DTHD1: variants seen among roughly 807,000 people sequenced by gnomAD.
DTHD1 encodes the protein death domain containing 1.
A neutral mutation model predicts 74.8 loss-of-function variants in DTHD1; 59 were observed. The observed-to-expected ratio is 0.79, with a 90% CI of 0.64 to 0.98. DTHD1 has a LOEUF of 0.98. Among genes scored for constraint, DTHD1 ranks in the 50% least tolerant of loss-of-function variants. The pLI, the probability that DTHD1 is intolerant of heterozygous loss-of-function variation, is 0.00. For synonymous variants in DTHD1, 365 were observed against 371.1 expected, an observed-to-expected ratio of 0.98 and a Z score of 0.19; for missense variants, 1,051 against 1,065.4, an observed-to-expected ratio of 0.99 and a Z score of 0.19.
At chr4:36,316,528 A>G in intron 8 of DTHD1, 42 bp downstream of exon 8, 1 of 1,507,250 alleles carries the variant, frequency 6.6e-7, no homozygotes, top group Non-Finnish European at 8.9e-7. Context: ...TTTGTTAATT[A>G]TTTATAATTC....
At chr4:36,334,476 C>A (rs891542317) in intron 8 of DTHD1, among the ~76,000 whole-genome samples, 1 of 151,302 alleles carries the variant, frequency 6.6e-6, no homozygotes, top group Admixed American at 6.6e-5. Context: ...CTCTTGCCTT[C>A]AGACTCCTGA....
intron 2 of DTHD1, among the ~76,000 whole-genome samples, chr4:36,286,830 T>C (rs1210307928): frequency 3.3e-5 from 5 of 152,202 alleles, no homozygotes; most frequent in Admixed American, 3.3e-4. Flanking sequence ...TATTTAAACA[T>C]ATCTAAACAT....
At chr4:36,323,065 C>G (rs558824670) in intron 8 of DTHD1, among the ~76,000 whole-genome samples, 2 of 152,220 alleles carry the variant, frequency 1.3e-5, no homozygotes, top group Non-Finnish European at 1.5e-5. Flanking sequence ...GGCTCCAGAT[C>G]TGACTGCTGT....
intron 1 of DTHD1, among the ~76,000 whole-genome samples, chr4:36,283,527 C>T (rs1452828965): frequency 6.6e-6 from 1 of 152,112 alleles, no homozygotes; most frequent in East Asian, 1.9e-4. Context: ...TTTCTGCCAC[C>T]CAAGCCTCAT....
chr4:36,316,222 T>A lies in DTHD1; in HGVS notation c.2096-20T>A. The stretch of plus-strand genomic sequence containing the variant: ...AGTGAGATAACTTAATGGTAATAAA[T>A]ACATTTTACTTCTATTTAGGCAACG... On this transcript the variant is annotated intron_variant, in intron 7 of 9. Transcript: ENST00000639862. 1 of 1,546,356 alleles carries A rather than the reference T, an allele frequency of 6.5e-7. No individual in the cohort carries two copies. The highest frequency in any genetic ancestry group is 1.2e-5 in the South Asian group (1 of 82,866).
Position 36,308,359 on chromosome 4 carries a change from C to A in DTHD1, c.1961C>A (p.Ser654Tyr). The A allele has an allele frequency of 6.4e-7, 1 of 1,551,840 alleles. No individual in the cohort carries two copies. The highest frequency in any genetic ancestry group is 8.7e-7 in the Non-Finnish European group (1 of 1,147,030). ...AGAATAGCTGTTTTAGTGGTGCCTTCCAAAGATTTAAGCCAGGTGCTTAAG... is the reference window on the plus strand; with the variant it reads ...AGAATAGCTGTTTTAGTGGTGCCTTACAAAGATTTAAGCCAGGTGCTTAAG... ...PHRIAVLVVPSKDLSQVLKDL... is the reference protein window; with the variant it reads ...PHRIAVLVVPYKDLSQVLKDL... Residue 654 changes from serine to tyrosine, a missense_variant, in exon 7 of 10, where the codon TCC becomes TAC. Coordinates refer to ENST00000639862, the MANE Select transcript of DTHD1 (RefSeq NM_001170700.3).
At chr4:36,302,105 A>T (rs6826364) in intron 5 of DTHD1, among the ~76,000 whole-genome samples, 13,103 of 152,248 alleles carry the variant, frequency 0.086, 1,869 homozygotes, top group African/African-American at 0.3. Context: ...TAACTGAACC[A>T]CGCATAGCGT....
intron 5 of DTHD1, among the ~76,000 whole-genome samples, chr4:36,297,817 C>A (rs1053607112): frequency 2.0e-5 from 3 of 152,076 alleles, no homozygotes; most frequent in African/African-American, 7.2e-5. Context: ...AGAATCAATT[C>A]CTCGAGTTCC....
At chr4:36,305,905 C>T (rs1757020237) in intron 5 of DTHD1, among the ~76,000 whole-genome samples, 1 of 152,204 alleles carries the variant, frequency 6.6e-6, no homozygotes, top group African/African-American at 2.4e-5. Flanking sequence ...ACTTTGCAAG[C>T]TTCCCGAACC....
At position 36,343,650 on chromosome 4, in the gene DTHD1, C is replaced by A; in HGVS notation, c.2547C>A (p.His849Gln). 6.4e-7 allele frequency: 1 copy of A among 1,551,886 alleles called. No homozygotes were observed. Among genetic ancestry groups the A allele is most frequent in the Non-Finnish European group, 8.7e-7 (1 of 1,146,980 alleles). Reference protein sequence around the residue: ...KNPDDLTEQIHEFLCFWKKSL... With the variant: ...KNPDDLTEQIQEFLCFWKKSL... The stretch of plus-strand genomic sequence containing the variant: ...CTGATGATCTCACAGAACAGATCCA[C>A]GAGTTTCTTTGCTTCTGGAAAAAAT... The change falls in exon 10 of 10, where the codon CAC (histidine) becomes CAA (glutamine). Residue 849 changes from histidine to glutamine, a missense_variant. Physicochemically the swap from His to Gln is conservative, Grantham distance 24 (BLOSUM62 0). Transcript: ENST00000639862.
chr4:36,308,532 A>T (rs1757195115), intron 7 of DTHD1, 39 bp downstream of exon 7: 2 of 1,473,520 alleles, frequency 1.4e-6, no homozygotes, highest in Non-Finnish European at 1.8e-6. Flanking sequence ...TTTATTGGCT[A>T]TAAGCCACAA....
At chr4:36,334,676 C>A (rs969979421) in intron 8 of DTHD1, among the ~76,000 whole-genome samples, 1 of 152,170 alleles carries the variant, frequency 6.6e-6, no homozygotes, top group Admixed American at 6.5e-5. Flanking sequence ...TTAATTTTCT[C>A]AGAAAATAGA....
intron 9 of DTHD1, among the ~76,000 whole-genome samples, chr4:36,342,126 A>T (rs1255033524): frequency 6.6e-6 from 1 of 152,186 alleles, no homozygotes; most frequent in Non-Finnish European, 1.5e-5. Flanking sequence ...GCTGCTGATG[A>T]AGTTGCCTAC....
At chr4:36,336,164 G>A (rs1651799254) in intron 8 of DTHD1, among the ~76,000 whole-genome samples, 1 of 152,208 alleles carries the variant, frequency 6.6e-6, no homozygotes, top group Admixed American at 6.5e-5. Context: ...ACAGTTTATA[G>A]AGGGCTGGAG....
In DTHD1 at chr4:36,327,631, G is replaced by C. The variant is rs1501123; in HGVS notation, c.2340+11145G>C. On this transcript the variant is annotated intron_variant, in intron 8 of 9. Transcript: ENST00000639862. ...GTTTGAAGTGCTTTATGTGCATTACGTCATTTAATCCTCATGGCAACCTCA... is the reference window on the plus strand; with the variant it reads ...GTTTGAAGTGCTTTATGTGCATTACCTCATTTAATCCTCATGGCAACCTCA... 1.7e-4 allele frequency among the ~76,000 whole-genome samples: 26 copies of C among 152,218 alleles called. No individual in the cohort carries two copies. The South Asian group carries it at 2.5e-3, about 15-fold the overall frequency.
chr4:36,284,856 C>G (rs1474340317), intron 2 of DTHD1, among the ~76,000 whole-genome samples: 1 of 152,128 alleles, frequency 6.6e-6, no homozygotes, highest in Non-Finnish European at 1.5e-5. Context: ...AAAAAGTGAA[C>G]AAGCTCCCTT....
chr4:36,298,500 G>A (rs1756576988), intron 5 of DTHD1, among the ~76,000 whole-genome samples: 2 of 152,084 alleles, frequency 1.3e-5, no homozygotes. Context: ...ACAAGCAAAT[G>A]AGACTCCATC....
intron 5 of DTHD1, among the ~76,000 whole-genome samples, chr4:36,296,902 G>A (rs762066508): frequency 2.0e-5 from 3 of 151,864 alleles, no homozygotes; most frequent in Non-Finnish European, 2.9e-5. Flanking sequence ...CTCGAAAACC[G>A]AACTGCTTAT....
chr4:36,289,449 C>G, intron 2 of DTHD1, among the ~76,000 whole-genome samples: 1 of 152,134 alleles, frequency 6.6e-6, no homozygotes, highest in Admixed American at 6.5e-5. Context: ...TGGACTTTCA[C>G]ATTAAAGATA....
Sources: allele counts gnomAD v4.1 joint callset (sites outside exome capture counted in the v4.1 genomes callset), GRCh38; gene constraint gnomAD v4.1.1; transcripts MANE v1.5; gene names NCBI Gene and HGNC (gene_info 2026-07-23, HGNC 2026-07-21).